The following ZFAND3 variants were observed in gnomAD, a reference collection of about 807,000 sequenced individuals.
ZFAND3 encodes the protein zinc finger AN1-type containing 3, also known as AN1-type zinc finger protein 3.
A neutral mutation model predicts 29.6 loss-of-function variants in ZFAND3; 10 were observed. The observed-to-expected ratio is 0.34, with a 90% CI of 0.21 to 0.57. The LOEUF (loss-of-function observed/expected upper bound fraction) is 0.57. Among genes scored for constraint, ZFAND3 ranks in the 20% least tolerant of loss-of-function variants. The pLI, the probability that ZFAND3 is intolerant of heterozygous loss-of-function variation, is 0.86. For missense variants in ZFAND3, 230 were observed against 304.5 expected (o/e 0.76, Z 1.82); for synonymous variants, 128 against 112.6 (o/e 1.14, Z -0.87).
At chr6:38,071,161 A>G (rs1189749243) in intron 3 of ZFAND3, among the ~76,000 whole-genome samples, 1 of 151,732 alleles carries the variant, frequency 6.6e-6, no homozygotes, top group African/African-American at 2.4e-5. Context: ...ATATATTGCC[A>G]GTTTCTTTTG....
intron 5 of ZFAND3, among the ~76,000 whole-genome samples, chr6:38,147,376 T>C (rs1365717887): frequency 6.6e-6 from 1 of 152,254 alleles, no homozygotes. Flanking sequence ...ACATTTTATT[T>C]ATCCATTCAT....
At chr6:38,151,146 C>T (rs1766213898) in intron 5 of ZFAND3, among the ~76,000 whole-genome samples, 1 of 152,174 alleles carries the variant, frequency 6.6e-6, no homozygotes, top group African/African-American at 2.4e-5. Context: ...ATGGGAGACA[C>T]CCCGGTGCAG....
chr6:38,040,537 T>C lies in ZFAND3; in HGVS notation c.113-21056T>C, dbSNP rs953768499. 3.3e-5 allele frequency among the ~76,000 whole-genome samples: 5 copies of C among 152,238 alleles called. 1 individual carries two copies. Among genetic ancestry groups the C allele is most frequent in the Admixed American group, 3.3e-4 (5 of 15,288 alleles). On this transcript the variant is annotated intron_variant, in intron 2 of 5. Coordinates refer to ENST00000287218, the MANE Select transcript of ZFAND3 (RefSeq NM_021943.3). Reference sequence around the variant, plus strand: ...ACGTATCTTTTTAAAACTTTAGTTTTGATGTGAAGTACAGCATTTAAAAAC... The same window carrying C: ...ACGTATCTTTTTAAAACTTTAGTTTCGATGTGAAGTACAGCATTTAAAAAC...
intron 2 of ZFAND3, among the ~76,000 whole-genome samples, chr6:38,032,979 C>T (rs1192604186): frequency 2.0e-5 from 3 of 152,098 alleles, no homozygotes; most frequent in Non-Finnish European, 4.4e-5. Context: ...TTGATTGCCT[C>T]CCCGGAATGC....
intron 1 of ZFAND3, among the ~76,000 whole-genome samples, chr6:37,834,749 C>T (rs191569765): frequency 2.8e-5 from 4 of 143,970 alleles, no homozygotes; most frequent in African/African-American, 1.2e-4. Context: ...TATCATTATG[C>T]ATATATAATG....
chr6:37,993,450 G>T (rs1419068991), intron 2 of ZFAND3, among the ~76,000 whole-genome samples: 2 of 151,836 alleles, frequency 1.3e-5, no homozygotes, highest in South Asian at 2.1e-4. Context: ...CCTCACCCTC[G>T]CAAGTAGCTA....
At chr6:37,828,036 A>G (rs1044505158) in intron 1 of ZFAND3, among the ~76,000 whole-genome samples, 1 of 152,158 alleles carries the variant, frequency 6.6e-6, no homozygotes, top group Non-Finnish European at 1.5e-5. Context: ...ATTTCTGCTG[A>G]AGTAGAGTGG....
intron 1 of ZFAND3, among the ~76,000 whole-genome samples, chr6:37,891,577 G>A (rs1446482461): frequency 7.0e-6 from 1 of 142,234 alleles, no homozygotes; most frequent in Non-Finnish European, 1.5e-5. Flanking sequence ...ACTCCAGCCT[G>A]GGCTAAATAA....
intron 5 of ZFAND3, among the ~76,000 whole-genome samples, chr6:38,146,264 G>A (rs1287402426): frequency 6.6e-6 from 1 of 152,200 alleles, no homozygotes; most frequent in Non-Finnish European, 1.5e-5. Flanking sequence ...ATCACAGGGG[G>A]TGTCTGGTAC....
In ZFAND3 at chr6:37,937,280, T is replaced by G. The variant is rs919045534; in HGVS notation, c.112+7281T>G. 1.2e-4 allele frequency among the ~76,000 whole-genome samples: 18 copies of G among 152,182 alleles called. No homozygotes were observed. In the South Asian group the frequency reaches 1.2e-3, roughly 10 times the overall value. On this transcript the variant is annotated intron_variant, in intron 2 of 5. Transcript: ENST00000287218. ...AAATAATGTAGAAACAAATTACCAATTTCAATACAAAAAATTTTGCAGGAT... is the reference window on the plus strand; with the variant it reads ...AAATAATGTAGAAACAAATTACCAAGTTCAATACAAAAAATTTTGCAGGAT...
chr6:38,122,603 G>A (rs904526597), intron 5 of ZFAND3, among the ~76,000 whole-genome samples: 4 of 152,182 alleles, frequency 2.6e-5, no homozygotes, highest in East Asian at 1.9e-4. Context: ...ATTCTTTGGC[G>A]TAACAGCATG....
At chr6:37,850,051 A>G (rs1055736021) in intron 1 of ZFAND3, among the ~76,000 whole-genome samples, 3 of 152,186 alleles carry the variant, frequency 2.0e-5, no homozygotes, top group Non-Finnish European at 4.4e-5. Flanking sequence ...GCAGTGGACC[A>G]TTAGTGAGAA....
intron 4 of ZFAND3, among the ~76,000 whole-genome samples, chr6:38,087,040 C>G (rs1031875555): frequency 6.6e-6 from 1 of 152,096 alleles, no homozygotes; most frequent in East Asian, 1.9e-4. Flanking sequence ...ATCCACACAC[C>G]TACAGTGAAC....
At chr6:38,128,447 A>G (rs1311114591) in intron 5 of ZFAND3, among the ~76,000 whole-genome samples, 1 of 152,164 alleles carries the variant, frequency 6.6e-6, no homozygotes, top group Non-Finnish European at 1.5e-5. Flanking sequence ...AGAAGTATAC[A>G]CTGCATCTTA....
In ZFAND3 at chr6:38,061,774, G is replaced by A. The variant is rs759751237; in HGVS notation, c.294G>A (p.Glu98=). The change falls in exon 3 of 6, where the codon GAG becomes GAA. Residue 98 remains glutamate (E), a splice_region_variant and synonymous_variant. Transcript: ENST00000287218. ...ELNVTSPSKE[E]CGPCTDTAHV... ...ATGTAACTTCACCGAGTAAAGAGGA[G>A]TGTAAGTGTCTGGCTTCTGAGGGGT... The A allele has an allele frequency of 1.2e-6, 2 of 1,614,034 alleles. No homozygotes were observed. The highest frequency in any genetic ancestry group is 3.3e-5 in the Admixed American group (2 of 60,008).
chr6:38,015,401 T>C (rs1166958286), intron 2 of ZFAND3, among the ~76,000 whole-genome samples: 1 of 152,204 alleles, frequency 6.6e-6, no homozygotes, highest in Non-Finnish European at 1.5e-5. Flanking sequence ...CATGAACAGT[T>C]TGGCAATATT....
chr6:37,866,650 T>G (rs980449428), intron 1 of ZFAND3, among the ~76,000 whole-genome samples: 1 of 152,184 alleles, frequency 6.6e-6, no homozygotes, highest in Non-Finnish European at 1.5e-5. Flanking sequence ...TCCCAAAGAT[T>G]GTTGAAAAAG....
intron 2 of ZFAND3, among the ~76,000 whole-genome samples, chr6:38,045,427 C>T (rs917741607): frequency 6.6e-6 from 1 of 152,066 alleles, no homozygotes; most frequent in Admixed American, 6.5e-5. Context: ...GTTGATATTT[C>T]TTATGCATGC....
intron 2 of ZFAND3, among the ~76,000 whole-genome samples, chr6:37,953,687 A>G (rs1433723866): frequency 6.6e-6 from 1 of 151,896 alleles, no homozygotes; most frequent in Non-Finnish European, 1.5e-5. Context: ...GCTGGGCTCA[A>G]CTTGTCCTCC....
Sources: allele counts gnomAD v4.1 joint callset (sites outside exome capture counted in the v4.1 genomes callset), GRCh38; gene constraint gnomAD v4.1.1; transcripts MANE v1.5; gene names NCBI Gene and HGNC (gene_info 2026-07-23, HGNC 2026-07-21).